Variants in IFRD1 observed in about 807,000 individuals in gnomAD.
The protein encoded by IFRD1 is interferon-related developmental regulator 1.
IFRD1 carries 35 observed loss-of-function variants against 52.9 expected under a neutral mutation model. The ratio of observed to expected loss-of-function variants is 0.66; its 90% CI spans 0.51 to 0.88. The LOEUF is 0.88. Ranked by LOEUF, IFRD1 falls within the 40% of genes least tolerant of loss-of-function variation. IFRD1 has a pLI of 0.00. For missense variants in IFRD1, 517 were observed against 550.8 expected (o/e 0.94, Z 0.61); for synonymous variants, 184 against 188.4 (o/e 0.98, Z 0.19).
chr7:112,450,530 C>A lies in IFRD1; in HGVS notation c.-159C>A. On this transcript the variant is annotated 5_prime_UTR_variant, in exon 1 of 12. Transcript: ENST00000403825. ...CAGCTCTTCACGGGGATTTCTGCTG[C>A]CGCCACCGCCCACTCTTACCCCCGC... 1.5e-6 allele frequency: 1 copy of A among 658,224 alleles called. No individual in the cohort carries two copies. The highest frequency in any genetic ancestry group is 1.7e-5 in the South Asian group (1 of 59,900). The allele number at this position is 658,224 out of a possible 1,614,324, so 40.8% of individuals were successfully genotyped here. A position where few individuals can be genotyped will look rare whatever the true frequency, so the allele number is the denominator to read the frequency against.
At chr7:112,445,268 G>A (rs11761976) in intron 1 of IFRD1, among the ~76,000 whole-genome samples, 23,977 of 151,608 alleles carry the variant, frequency 0.16, 2,261 homozygotes, top group East Asian at 0.36. Context: ...GGGTTTCACC[G>A]TGTTAGCCAG....
In IFRD1 at chr7:112,468,076, G is replaced by A; in HGVS notation, c.1002G>A (p.Lys334=). The change falls in exon 9 of 12, where the codon AAG becomes AAA. Residue 334 remains lysine, a synonymous_variant. Transcript: ENST00000403825. ...NKHRAKVDKR[K]QRSVFRDVLR... is the part of the protein sequence containing the mutation. ...ACCGGGCCAAAGTGGACAAGAGAAA[G>A]CAGCGGTCAGTTTTCAGAGATGTCC... 2 of 1,614,102 alleles carry A rather than the reference G, an allele frequency of 1.2e-6. No individual in the cohort carries two copies. The highest frequency in any genetic ancestry group is 1.7e-6 in the Non-Finnish European group (2 of 1,179,972).
chr7:112,458,586 A>G (rs1795351762), intron 4 of IFRD1, among the ~76,000 whole-genome samples: 1 of 152,224 alleles, frequency 6.6e-6, no homozygotes, highest in South Asian at 2.1e-4. Flanking sequence ...GATAGATACT[A>G]ATCTCCATTT....
chr7:112,439,665 A>C (rs1458756071), intron 1 of IFRD1, among the ~76,000 whole-genome samples: 1 of 152,124 alleles, frequency 6.6e-6, no homozygotes, highest in Non-Finnish European at 1.5e-5. Flanking sequence ...AAAAGACAAG[A>C]CCATCTGTTC....
At chr7:112,445,112 G>A (rs755810439) in intron 1 of IFRD1, among the ~76,000 whole-genome samples, 41 of 145,206 alleles carry the variant, frequency 2.8e-4, no homozygotes, top group Non-Finnish European at 5.1e-4. Flanking sequence ...TGTCACCCAG[G>A]CTGGAGTGCA....
At position 112,472,325 on chromosome 7, in the gene IFRD1, C is replaced by G; in HGVS notation, c.1148C>G (p.Ser383Ter). 6.2e-7 allele frequency: 1 copy of G among 1,614,018 alleles called. No individual in the cohort carries two copies. ...GACACCTTTAAGGAGGTTCTTGGAT[C>G]AGGGATGCAGTACCACTTGCAGGTA... ...TYDTFKEVLG[S>*]GMQYHLQSNE... Residue 383 changes from serine (S) to a stop codon, truncating the protein, a stop_gained, in exon 10 of 12, where the codon TCA (serine) becomes TGA (stop). Coordinates refer to ENST00000403825, the MANE Select transcript of IFRD1 (RefSeq NM_001550.4). LOFTEE classifies it high-confidence loss of function.
chr7:112,468,739 C>T lies in IFRD1; in HGVS notation c.1041+624C>T, dbSNP rs190786144. On this transcript the variant is annotated intron_variant, in intron 9 of 11. Coordinates refer to ENST00000403825, the MANE Select transcript of IFRD1 (RefSeq NM_001550.4). Reference sequence around the variant, plus strand: ...GGTCTTGAACTCCTGACCTTGTGATCCACCCGCATCGGCCTTCCAAAGTGC... The same window carrying T: ...GGTCTTGAACTCCTGACCTTGTGATTCACCCGCATCGGCCTTCCAAAGTGC... 9.2e-5 allele frequency among the ~76,000 whole-genome samples: 14 copies of T among 152,246 alleles called. No individual in the cohort carries two copies. The East Asian group carries it at 2.3e-3, about 25-fold the overall frequency.
intron 1 of IFRD1, among the ~76,000 whole-genome samples, chr7:112,426,575 T>G (rs1794431303): frequency 6.6e-6 from 1 of 152,222 alleles, no homozygotes; most frequent in Non-Finnish European, 1.5e-5. Flanking sequence ...TTATAAGTCC[T>G]GCCAGCCATC....
chr7:112,424,727 T>A (rs1020006013), intron 1 of IFRD1, among the ~76,000 whole-genome samples: 6 of 152,160 alleles, frequency 3.9e-5, no homozygotes, highest in African/African-American at 1.2e-4. Context: ...TTTCAAAAAA[T>A]TTTTTAATTT....
At position 112,475,450 on chromosome 7, in the gene IFRD1, C is replaced by CT; in HGVS notation, c.1289dup (p.Lys431GlnfsTer7). ...TTTAGCATTTATATAACTCTGCAGC[C>CT]TTCAAAGCTCGAACCAAAGCTAGAA... On this transcript the variant is annotated frameshift_variant, in exon 12 of 12. Transcript: ENST00000403825. LOFTEE classifies it high-confidence loss of function. 2.5e-6 allele frequency: 4 copies of CT among 1,609,950 alleles called. No individual in the cohort carries two copies. The highest frequency in any genetic ancestry group is 3.4e-6 in the Non-Finnish European group (4 of 1,176,638).
intron 1 of IFRD1, among the ~76,000 whole-genome samples, chr7:112,442,182 G>A (rs1221878624): frequency 6.6e-6 from 1 of 152,104 alleles, no homozygotes; most frequent in Non-Finnish European, 1.5e-5. Context: ...ATTTTTAGGA[G>A]CAATGCTGGA....
upstream of IFRD1, chr7:112,450,381 G>A: frequency 2.3e-6 from 1 of 434,376 alleles, no homozygotes; most frequent in Non-Finnish European, 4.3e-6. Context: ...GGATTGGTTG[G>A]GAAGCGCTCA....
intron 3 of IFRD1, among the ~76,000 whole-genome samples, chr7:112,456,455 A>G (rs1369497751): frequency 6.6e-6 from 1 of 152,176 alleles, no homozygotes; most frequent in African/African-American, 2.4e-5. Flanking sequence ...CTGCTTGTCC[A>G]CTAATGTTAT....
chr7:112,434,755 C>A (rs974321066), intron 1 of IFRD1, among the ~76,000 whole-genome samples: 9 of 152,098 alleles, frequency 5.9e-5, no homozygotes, highest in African/African-American at 2.2e-4. Context: ...CCATCTAAAT[C>A]CCATTTTGTG....
chr7:112,451,666 G>A (rs1795169268), intron 1 of IFRD1, among the ~76,000 whole-genome samples: 1 of 152,088 alleles, frequency 6.6e-6, no homozygotes, highest in Admixed American at 6.5e-5. Context: ...CTTATTATAT[G>A]GTTAAGAAAA....
intron 9 of IFRD1, 48 bp downstream of exon 9, chr7:112,468,163 GT>G (rs1321417415): frequency 6.3e-7 from 1 of 1,583,180 alleles, no homozygotes; most frequent in African/African-American, 1.3e-5. Context: ...AAATTGGATT[GT>G]TTCAGGCTGA....
At chr7:112,455,898 T>G (rs746247149) in intron 2 of IFRD1, 31 bp downstream of exon 2, 4 of 1,525,052 alleles carry the variant, frequency 2.6e-6, no homozygotes, top group Non-Finnish European at 3.6e-6. Flanking sequence ...TTTGCAACTT[T>G]AGATAAAATG....
intron 8 of IFRD1, chr7:112,467,747 A>C: frequency 2.0e-6 from 1 of 492,820 alleles, no homozygotes; most frequent in South Asian, 2.1e-5. Flanking sequence ...ATTTACTTGG[A>C]AGGGAAATGT....
At chr7:112,456,631 A>G (rs898451501) in intron 3 of IFRD1, among the ~76,000 whole-genome samples, 2 of 152,236 alleles carry the variant, frequency 1.3e-5, no homozygotes, top group African/African-American at 2.4e-5. Flanking sequence ...CATTAAAACT[A>G]TACTTGTACA....
Sources: allele counts gnomAD v4.1 joint callset (sites outside exome capture counted in the v4.1 genomes callset), GRCh38; gene constraint gnomAD v4.1.1; transcripts MANE v1.5; gene names NCBI Gene and HGNC (gene_info 2026-07-23, HGNC 2026-07-21).